Variants in WDPCP observed in about 807,000 individuals in gnomAD.
WDPCP encodes WD repeat-containing and planar cell polarity effector protein fritz homolog.
A neutral mutation model predicts 93.1 loss-of-function variants in WDPCP; 71 were observed. The ratio of observed to expected loss-of-function variants is 0.76; its 90% CI spans 0.63 to 0.93. The LOEUF (loss-of-function observed/expected upper bound fraction) is 0.93, where lower values mean the gene tolerates loss of function less well. Ranked by LOEUF, WDPCP falls within the 40% of genes least tolerant of loss-of-function variation. The probability of loss-of-function intolerance (pLI) is 0.00; values close to 1 mark genes in which losing one functional copy is unlikely to be tolerated. For missense variants in WDPCP, 844 were observed against 887.4 expected (o/e 0.95, Z 0.62); for synonymous variants, 315 against 315.0 (o/e 1.00, Z 0.00).
chr2:63,448,620 A>C (rs1246443748), intron 6 of WDPCP, among the ~76,000 whole-genome samples: 1 of 152,172 alleles, frequency 6.6e-6, no homozygotes, highest in African/African-American at 2.4e-5. Flanking sequence ...AAAATCTTTG[A>C]GAATAAAAAC....
intron 14 of WDPCP, among the ~76,000 whole-genome samples, chr2:63,232,120 C>T (rs878927967): frequency 6.6e-6 from 1 of 152,170 alleles, no homozygotes; most frequent in African/African-American, 2.4e-5. Context: ...GGAAAACTGG[C>T]TAGCCATAGG....
chr2:63,828,342 G>A (rs1671143149), upstream of WDPCP, among the ~76,000 whole-genome samples: 1 of 151,854 alleles, frequency 6.6e-6, no homozygotes, highest in Non-Finnish European at 1.5e-5. Context: ...CTCAGAGAGG[G>A]CTTCCCTGAA....
intron 2 of WDPCP, among the ~76,000 whole-genome samples, chr2:63,652,724 CA>C (rs1419701703): frequency 6.6e-6 from 1 of 151,916 alleles, no homozygotes; most frequent in African/African-American, 2.4e-5. Context: ...TAAAATGTGC[CA>C]AATTTACTAC....
intron 2 of WDPCP, among the ~76,000 whole-genome samples, chr2:63,491,072 A>G (rs1319980716): frequency 2.0e-5 from 3 of 152,166 alleles, no homozygotes; most frequent in Admixed American, 1.3e-4. Context: ...TTTCTTTTAC[A>G]CTTTTGAATT....
At chr2:63,645,701 T>C (rs566546326) in intron 3 of WDPCP, among the ~76,000 whole-genome samples, 25 of 152,362 alleles carry the variant, frequency 1.6e-4, no homozygotes, top group Admixed American at 1.6e-3. Context: ...TGGGCACATA[T>C]ATATTTACAA....
At chr2:63,291,856 G>A (rs761192158) in intron 13 of WDPCP, among the ~76,000 whole-genome samples, 19 of 151,230 alleles carry the variant, frequency 1.3e-4, no homozygotes, top group East Asian at 3.9e-4. Flanking sequence ...AAAGAAGGCC[G>A]GGCGCGGGGG....
intron 2 of WDPCP, among the ~76,000 whole-genome samples, chr2:63,721,113 T>C: frequency 6.6e-6 from 1 of 152,262 alleles, no homozygotes; most frequent in East Asian, 1.9e-4. Context: ...TTGACAATTT[T>C]TGTTTTCACA....
chr2:63,743,157 C>T (rs1027029884), intron 2 of WDPCP, among the ~76,000 whole-genome samples: 9 of 152,044 alleles, frequency 5.9e-5, no homozygotes, highest in Non-Finnish European at 1.3e-4. Context: ...GCTCTTTCTC[C>T]TGAGCTGTTC....
At chr2:63,271,083 T>C (rs1287004017) in intron 13 of WDPCP, among the ~76,000 whole-genome samples, 3 of 152,226 alleles carry the variant, frequency 2.0e-5, no homozygotes, top group Admixed American at 6.5e-5. Context: ...TGCAGCACTC[T>C]AGCCCACATA....
At chr2:63,284,555 C>A (rs1003754766) in intron 13 of WDPCP, among the ~76,000 whole-genome samples, 1 of 152,026 alleles carries the variant, frequency 6.6e-6, no homozygotes, top group Admixed American at 6.6e-5. Flanking sequence ...AGCTTTGGGG[C>A]CATAATTTGG....
chr2:63,764,510 GTTTTC>G (rs1670110214), intron 2 of WDPCP, among the ~76,000 whole-genome samples: 1 of 152,082 alleles, frequency 6.6e-6, no homozygotes, highest in African/African-American at 2.4e-5. Flanking sequence ...TGTATTTAAG[GTTTTC>G]AGACTTAAAT....
At chr2:63,240,801 A>G (rs1003057488) in intron 14 of WDPCP, among the ~76,000 whole-genome samples, 5 of 152,288 alleles carry the variant, frequency 3.3e-5, no homozygotes, top group African/African-American at 1.2e-4. Context: ...AGAAAGAAAA[A>G]CAGAAGGGCT....
chr2:63,174,379 G>T (rs1285352077), intron 15 of WDPCP, among the ~76,000 whole-genome samples: 13 of 151,816 alleles, frequency 8.6e-5, no homozygotes, highest in Admixed American at 8.5e-4. Context: ...TTTATTAAAG[G>T]TAGCCTAACA....
intron 2 of WDPCP, among the ~76,000 whole-genome samples, chr2:63,807,082 T>C (rs897971940): frequency 3.9e-5 from 6 of 152,324 alleles, no homozygotes; most frequent in Middle Eastern, 3.4e-3. Context: ...TGTTTAGAGA[T>C]TGCAGTAAAG....
intron 1 of WDPCP, among the ~76,000 whole-genome samples, chr2:63,565,999 A>T (rs1338213498): frequency 6.6e-6 from 1 of 152,050 alleles, no homozygotes; most frequent in African/African-American, 2.4e-5. Flanking sequence ...ACTCATCTAT[A>T]CTCAGTACTT....
rs73937817 is a variant in WDPCP, at chr2:63,486,797, T to G, written c.209-211A>C. On this transcript the variant is annotated intron_variant, in intron 3 of 17. Transcript: ENST00000272321. ...TCATTTCATAGAGATATTTCCTAAA[T>G]TTGCAGTGAAAGGGCACAAAAGGTG... 0.077 allele frequency among the ~76,000 whole-genome samples: 11,653 copies of G among 151,910 alleles called. 1,354 individuals are homozygous for G. Among genetic ancestry groups the G allele is most frequent in the African/African-American group, 0.25 (10,552 of 41,392 alleles).
At chr2:63,768,642 C>A (rs1157976820) in intron 2 of WDPCP, among the ~76,000 whole-genome samples, 1 of 152,008 alleles carries the variant, frequency 6.6e-6, no homozygotes, top group Admixed American at 6.6e-5. Flanking sequence ...TGATCTCTGG[C>A]ATCTGTCTTG....
intron 1 of WDPCP, among the ~76,000 whole-genome samples, chr2:63,558,218 CG>C (rs1706282919): frequency 1.3e-5 from 2 of 151,546 alleles, no homozygotes; most frequent in East Asian, 3.9e-4. Context: ...ACAAAATAGA[CG>C]GCTAGCTAAA....
chr2:63,437,809 A>C lies in WDPCP; in HGVS notation c.500-255T>G, dbSNP rs553838783. 1.2e-5 allele frequency: 19 copies of C among 1,539,560 alleles called. No homozygotes were observed. The African/African-American group carries it at 1.8e-4, about 14-fold the overall frequency. On this transcript the variant is annotated intron_variant, in intron 7 of 17. Transcript: ENST00000272321. Reference sequence around the variant, plus strand: ...GATATTTGGGGACCACCAATGGATGAGATGTATTTAGAAACAGGGCTATAA... The same window carrying C: ...GATATTTGGGGACCACCAATGGATGCGATGTATTTAGAAACAGGGCTATAA...
Sources: gnomAD v4.1 joint callset for allele counts (sites outside exome capture counted in the v4.1 genomes callset) on GRCh38, gnomAD v4.1.1 for gene constraint, MANE v1.5 for transcripts, NCBI Gene and HGNC (gene_info 2026-07-23, HGNC 2026-07-21) for gene names.